PTPRK: variants seen among roughly 807,000 people sequenced by gnomAD.
PTPRK encodes the protein receptor-type tyrosine-protein phosphatase kappa.
Under a neutral mutation model 178.0 loss-of-function variants are expected in PTPRK, and 75 were observed. That is an observed-to-expected ratio of 0.42 (90% CI 0.35 to 0.51). The LOEUF (loss-of-function observed/expected upper bound fraction) is 0.51, where lower values mean the gene tolerates loss of function less well. Among genes scored for constraint, PTPRK ranks in the 20% least tolerant of loss-of-function variants. The probability of loss-of-function intolerance (pLI) is 0.02; values close to 1 mark genes in which losing one functional copy is unlikely to be tolerated. For missense variants in PTPRK, 1,441 were observed against 1,797.8 expected (o/e 0.80, Z 3.59); for synonymous variants, 637 against 620.6 (o/e 1.03, Z -0.39).
chr6:128,318,707 A>G (rs1325763042), intron 3 of PTPRK, among the ~76,000 whole-genome samples: 1 of 152,162 alleles, frequency 6.6e-6, no homozygotes, highest in Non-Finnish European at 1.5e-5. Context: ...AAGGTAATGG[A>G]TTTAATCCCA....
intron 2 of PTPRK, among the ~76,000 whole-genome samples, chr6:128,367,407 T>C (rs530089160): frequency 1.3e-5 from 2 of 152,260 alleles, no homozygotes; most frequent in African/African-American, 4.8e-5. Context: ...AATACCCACT[T>C]GGGCCCAAAG....
chr6:128,130,557 G>A (rs1794068100), intron 7 of PTPRK, among the ~76,000 whole-genome samples: 1 of 152,160 alleles, frequency 6.6e-6, no homozygotes, highest in Non-Finnish European at 1.5e-5. Flanking sequence ...CCAAGGTAGT[G>A]AGATAAAAAT....
In PTPRK at chr6:128,217,473, C is replaced by G. The variant is rs770296682; in HGVS notation, c.868+1449G>C. Among the ~76,000 whole-genome samples the G allele has an allele frequency of 2.6e-5, 4 of 152,100 alleles. No individual in the cohort carries two copies. The East Asian group carries it at 7.7e-4, about 29-fold the overall frequency. ...AAAGAATGAGCTCACCATTAAGAAT[C>G]AAGAAACAATGGGTTCTATTCTGGC... is the stretch of plus-strand genomic sequence containing the variant. On this transcript the variant is annotated intron_variant, in intron 6 of 29. Coordinates refer to ENST00000368226, the MANE Select transcript of PTPRK (RefSeq NM_002844.4).
intron 7 of PTPRK, among the ~76,000 whole-genome samples, chr6:128,150,411 C>A (rs1473697436): frequency 2.6e-5 from 4 of 151,972 alleles, no homozygotes; most frequent in Non-Finnish European, 4.4e-5. Flanking sequence ...CAAGTAAAAC[C>A]TAATAAATTG....
intron 7 of PTPRK, among the ~76,000 whole-genome samples, chr6:128,153,806 T>A (rs1445017610): frequency 6.6e-6 from 1 of 151,966 alleles, no homozygotes; most frequent in Non-Finnish European, 1.5e-5. Context: ...TATGGAAAAT[T>A]CGTTCATTCA....
chr6:128,004,239 AT>A (rs1778171940), intron 15 of PTPRK, among the ~76,000 whole-genome samples: 1 of 151,836 alleles, frequency 6.6e-6, no homozygotes, highest in Admixed American at 6.6e-5. Flanking sequence ...GATATACCTG[AT>A]TTGCCTGCCT....
At chr6:128,118,468 G>T (rs1791925995) in intron 7 of PTPRK, among the ~76,000 whole-genome samples, 1 of 152,118 alleles carries the variant, frequency 6.6e-6, no homozygotes, top group South Asian at 2.1e-4. Flanking sequence ...TAAAACTAAA[G>T]AAGTTTTCCC....
chr6:128,288,076 T>C (rs569512253), intron 3 of PTPRK, among the ~76,000 whole-genome samples: 63 of 152,162 alleles, frequency 4.1e-4, no homozygotes, highest in Non-Finnish European at 7.5e-4. Context: ...AAGCAGACTG[T>C]ATAATTAAAT....
chr6:127,996,960 C>T lies in PTPRK; in HGVS notation c.2708G>A (p.Trp903Ter). 6.2e-7 allele frequency: 1 copy of T among 1,611,772 alleles called. No individual in the cohort carries two copies. The highest frequency in any genetic ancestry group is 8.5e-7 in the Non-Finnish European group (1 of 1,178,822). ...ATTTTGATCTTTTTTAGCTACATCC[C>T]AAGATGCTGACTGTCCTTCAAAAAA... ...ESFFEGQSAS[W>*]DVAKKDQNRA... The change falls in exon 17 of 30, where the codon TGG becomes TAG. Residue 903 changes from tryptophan to a stop codon, truncating the protein, a stop_gained. Coordinates refer to ENST00000368226, the MANE Select transcript of PTPRK (RefSeq NM_002844.4). LOFTEE classifies it high-confidence loss of function.
intron 5 of PTPRK, among the ~76,000 whole-genome samples, chr6:128,229,573 A>C (rs1811955832): frequency 6.6e-6 from 1 of 152,166 alleles, no homozygotes; most frequent in Non-Finnish European, 1.5e-5. Context: ...GACTGATCTC[A>C]CATCCAGAGG....
At chr6:128,193,329 A>AT (rs963652588) in intron 6 of PTPRK, among the ~76,000 whole-genome samples, 7 of 149,134 alleles carry the variant, frequency 4.7e-5, no homozygotes, top group East Asian at 2.1e-4. Flanking sequence ...TCTAGCATTA[A>AT]TTTTTTTTGT....
chr6:128,244,243 A>C (rs140461239), intron 3 of PTPRK, among the ~76,000 whole-genome samples: 31 of 152,336 alleles, frequency 2.0e-4, no homozygotes, highest in African/African-American at 7.0e-4. Flanking sequence ...CTAGATAGAT[A>C]GATTTGGAAG....
chr6:128,205,877 T>G (rs963465044), intron 6 of PTPRK, among the ~76,000 whole-genome samples: 2 of 151,514 alleles, frequency 1.3e-5, no homozygotes, highest in Non-Finnish European at 1.5e-5. Context: ...CATATTTCAT[T>G]CAAAAGATAA....
chr6:128,349,091 G>A (rs1244190871), intron 2 of PTPRK, among the ~76,000 whole-genome samples: 1 of 151,950 alleles, frequency 6.6e-6, no homozygotes, highest in Admixed American at 6.6e-5. Context: ...GTATGAATAA[G>A]GCATAAGACA....
At chr6:128,220,187 T>G (rs182278748) in intron 5 of PTPRK, among the ~76,000 whole-genome samples, 33 of 152,108 alleles carry the variant, frequency 2.2e-4, no homozygotes, top group South Asian at 4.1e-4. Flanking sequence ...AAGTCACAAA[T>G]AGTGATAAGT....
intron 7 of PTPRK, among the ~76,000 whole-genome samples, chr6:128,178,999 A>G (rs1202752896): frequency 2.6e-5 from 4 of 151,982 alleles, no homozygotes; most frequent in African/African-American, 9.7e-5. Flanking sequence ...GAGGTAGATC[A>G]TGTTAGACTT....
intron 3 of PTPRK, among the ~76,000 whole-genome samples, chr6:128,273,948 G>C (rs73772022): frequency 6.6e-6 from 1 of 152,028 alleles, no homozygotes; most frequent in African/African-American, 2.4e-5. Flanking sequence ...CATACATACA[G>C]AGATAAGCGA....
intron 1 of PTPRK, among the ~76,000 whole-genome samples, chr6:128,479,279 T>C (rs1311405486): frequency 6.6e-6 from 1 of 152,130 alleles, no homozygotes; most frequent in African/African-American, 2.4e-5. Context: ...AAAAAAATTC[T>C]GCATTTTATT....
chr6:128,366,519 G>A (rs879338875), intron 2 of PTPRK, among the ~76,000 whole-genome samples: 1 of 152,006 alleles, frequency 6.6e-6, no homozygotes, highest in Non-Finnish European at 1.5e-5. Context: ...GACTAAAGGG[G>A]TTACACATCT....
Sources: gnomAD v4.1 joint callset for allele counts (sites outside exome capture counted in the v4.1 genomes callset) on GRCh38, gnomAD v4.1.1 for gene constraint, MANE v1.5 for transcripts, NCBI Gene and HGNC (gene_info 2026-07-23, HGNC 2026-07-21) for gene names.